The following ZUP1 variants were observed in gnomAD, a reference collection of about 807,000 sequenced individuals.
ZUP1 encodes the protein zinc finger-containing ubiquitin peptidase 1.
Under a neutral mutation model 68.1 loss-of-function variants are expected in ZUP1, and 55 were observed. The observed-to-expected ratio is 0.81, with a 90% CI of 0.65 to 1.01. ZUP1 has a LOEUF of 1.01. Ranked by LOEUF, ZUP1 falls within the 50% of genes least tolerant of loss-of-function variation. The pLI, the probability that ZUP1 is intolerant of heterozygous loss-of-function variation, is 0.00. For missense variants in ZUP1, 684 were observed against 674.9 expected, an observed-to-expected ratio of 1.01 and a Z score of -0.15; for synonymous variants, 223 against 221.5, an observed-to-expected ratio of 1.01 and a Z score of -0.06.
chr6:116,641,827 A>G (rs1413385556), intron 9 of ZUP1, among the ~76,000 whole-genome samples: 1 of 152,234 alleles, frequency 6.6e-6, no homozygotes, highest in Non-Finnish European at 1.5e-5. Flanking sequence ...GGAGGCAAGA[A>G]ATAACTAAAA....
chr6:116,643,564 C>G (rs940000720), intron 9 of ZUP1, among the ~76,000 whole-genome samples: 9 of 152,228 alleles, frequency 5.9e-5, no homozygotes, highest in African/African-American at 1.2e-4. Context: ...CTTTGACAAA[C>G]CTGAGAAAAA....
At chr6:116,643,634 T>C (rs1161288950) in intron 9 of ZUP1, among the ~76,000 whole-genome samples, 1 of 152,186 alleles carries the variant, frequency 6.6e-6, no homozygotes, top group Admixed American at 6.5e-5. Flanking sequence ...TGGCTGGCCA[T>C]ATGTAGAAAG....
chr6:116,651,532 G>A (rs772454411), intron 7 of ZUP1, 40 bp downstream of exon 7: 42 of 1,487,808 alleles, frequency 2.8e-5, no homozygotes, highest in Non-Finnish European at 3.3e-5. Flanking sequence ...AAAGCTCCCC[G>A]ATAAGGAAAT....
At chr6:116,646,747 T>C (rs1209775525) in intron 8 of ZUP1, among the ~76,000 whole-genome samples, 1 of 152,164 alleles carries the variant, frequency 6.6e-6, no homozygotes, top group African/African-American at 2.4e-5. Context: ...GCTAATTTTC[T>C]TATGTTTTTG....
At chr6:116,647,730 A>G (rs1776356999) in intron 7 of ZUP1, 120 bp from the exon 8 acceptor site, 1 of 734,956 alleles carries the variant, frequency 1.4e-6, no homozygotes, top group Admixed American at 4.0e-5. Flanking sequence ...TTACTTTCCT[A>G]TAAAAGAAGA....
At chr6:116,659,556 T>A (rs1477747238) in intron 3 of ZUP1, among the ~76,000 whole-genome samples, 1 of 151,874 alleles carries the variant, frequency 6.6e-6, no homozygotes, top group Non-Finnish European at 1.5e-5. Flanking sequence ...TTAAGTAACA[T>A]CCTGCATTGA....
intron 2 of ZUP1, among the ~76,000 whole-genome samples, chr6:116,663,666 C>T (rs891432992): frequency 2.0e-5 from 3 of 152,084 alleles, no homozygotes; most frequent in Admixed American, 6.5e-5. Flanking sequence ...ACAGGCCAGA[C>T]GCAGTGGCTC....
chr6:116,641,866 A>G (rs1363986640), intron 9 of ZUP1, among the ~76,000 whole-genome samples: 8 of 152,176 alleles, frequency 5.3e-5, no homozygotes, highest in African/African-American at 1.4e-4. Flanking sequence ...AAATAGAGAC[A>G]CAAAAAACCC....
At chr6:116,636,158 A>G (rs181384482) in intron 9 of ZUP1, among the ~76,000 whole-genome samples, 20 of 152,286 alleles carry the variant, frequency 1.3e-4, no homozygotes, top group African/African-American at 4.6e-4. Context: ...TGCTGCCTCA[A>G]AGTCAGAGAG....
At chr6:116,655,655 A>T (rs1260314829) in intron 5 of ZUP1, among the ~76,000 whole-genome samples, 1 of 152,240 alleles carries the variant, frequency 6.6e-6, no homozygotes, top group East Asian at 1.9e-4. Flanking sequence ...ACTCATCAGA[A>T]AAAAGCCATA....
At position 116,666,783 on chromosome 6, in the gene ZUP1, G is replaced by T; in HGVS notation, c.410C>A (p.Ser137Tyr). 1 of 1,613,766 alleles carries T rather than the reference G, an allele frequency of 6.2e-7. No homozygotes were observed. Among genetic ancestry groups the T allele is most frequent in the Non-Finnish European group, 8.5e-7 (1 of 1,179,900 alleles). The change falls in exon 2 of 10, where the codon TCC becomes TAC. Residue 137 changes from serine to tyrosine, a missense_variant. Physicochemically the swap from Ser to Tyr is moderately radical, Grantham distance 144 (BLOSUM62 -2). Transcript: ENST00000368576. ...RKFLKSREKQ[S>Y]SLTEIKGSVY... is the part of the protein sequence containing the mutation. ...AGATCCTTTTATTTCGGTCAGGCTG[G>T]ACTGTTTTTCCCTACTTTTCAGGAA...
At chr6:116,638,173 C>T (rs1268298038) in intron 9 of ZUP1, among the ~76,000 whole-genome samples, 1 of 152,054 alleles carries the variant, frequency 6.6e-6, no homozygotes, top group African/African-American at 2.4e-5. Flanking sequence ...CCCCATGATC[C>T]CATTATTCTC....
chr6:116,642,585 C>A (rs199564303), intron 9 of ZUP1, among the ~76,000 whole-genome samples: 7,523 of 152,234 alleles, frequency 0.049, 196 homozygotes, highest in South Asian at 0.078. Flanking sequence ...AAGACAAAAA[C>A]CACATGATTA....
intron 6 of ZUP1, 65 bp downstream of exon 6, chr6:116,651,939 C>T (rs994900265): frequency 6.0e-6 from 9 of 1,500,946 alleles, no homozygotes; most frequent in African/African-American, 1.4e-5. Context: ...ATTGTGTATG[C>T]TATATCATTC....
At position 116,666,780 on chromosome 6, in the gene ZUP1, C is replaced by A. The variant is rs768406812; in HGVS notation, c.413G>T (p.Ser138Ile). The A allele has an allele frequency of 6.2e-7, 1 of 1,613,820 alleles. No homozygotes were observed. Among genetic ancestry groups the A allele is most frequent in the East Asian group, 2.2e-5 (1 of 44,808 alleles). ...AACAGATCCTTTTATTTCGGTCAGG[C>A]TGGACTGTTTTTCCCTACTTTTCAG... is the stretch of plus-strand genomic sequence containing the variant. ...KFLKSREKQSSLTEIKGSVYE... is the reference protein window; with the variant it reads ...KFLKSREKQSILTEIKGSVYE... Residue 138 changes from serine (S) to isoleucine (I), a missense_variant, in exon 2 of 10, where the codon AGC (serine) becomes ATC (isoleucine). Transcript: ENST00000368576.
chr6:116,656,569 T>TA (rs1160792446), intron 5 of ZUP1, 115 bp downstream of exon 5: 2 of 807,266 alleles, frequency 2.5e-6, no homozygotes, highest in Non-Finnish European at 3.7e-6. Context: ...AATACATTTT[T>TA]AAAAAAATAT....
rs540126354 is a variant in ZUP1 at position 116,639,132 on chromosome 6, G to A, written c.1690-3253C>T. ...AACTGCAAGGCGGCAGCAAGGCTGC[G>A]GGAGGGGTGCCCGCCATTGCCCAGG... On this transcript the variant is annotated intron_variant, in intron 9 of 9. Transcript: ENST00000368576. Among the ~76,000 whole-genome samples the A allele has an allele frequency of 2.2e-4, 33 of 152,336 alleles. No individual in the cohort carries two copies. The East Asian group carries it at 4.4e-3, about 21-fold the overall frequency.
chr6:116,666,625 A>ATGG lies in ZUP1; in HGVS notation c.559+8_559+9insCCA. ...AAACTTATAATTTATAATGAAATGA[A>ATGG]AACTTTACCTTCCAATGGAATGTCT... On this transcript the variant is annotated intron_variant, in intron 2 of 9. Transcript: ENST00000368576. 1 of 1,537,646 alleles carries ATGG rather than the reference A, an allele frequency of 6.5e-7. No homozygotes were observed. The highest frequency in any genetic ancestry group is 8.7e-7 in the Non-Finnish European group (1 of 1,146,052).
intron 2 of ZUP1, among the ~76,000 whole-genome samples, chr6:116,662,599 C>T (rs945614063): frequency 1.4e-4 from 22 of 152,346 alleles, no homozygotes; most frequent in African/African-American, 4.8e-4. Flanking sequence ...ATACCTACCA[C>T]AATGCCCTCA....
Sources: gnomAD v4.1 joint callset for allele counts (sites outside exome capture counted in the v4.1 genomes callset) on GRCh38, gnomAD v4.1.1 for gene constraint, MANE v1.5 for transcripts, NCBI Gene and HGNC (gene_info 2026-07-23, HGNC 2026-07-21) for gene names.